C4orf17: variants seen among roughly 807,000 people sequenced by gnomAD.
C4orf17 encodes chromosome 4 open reading frame 17.
In C4orf17, 25 loss-of-function variants were observed where a neutral mutation model predicts 32.0. The ratio of observed to expected loss-of-function variants is 0.78; its 90% CI spans 0.57 to 1.09. The LOEUF is 1.09. Among genes scored for constraint, C4orf17 ranks in the 50% least tolerant of loss-of-function variants. The pLI is 0.00. For missense variants in C4orf17, 420 were observed against 420.0 expected (o/e 1.00, Z 0.00); for synonymous variants, 149 against 145.8 (o/e 1.02, Z -0.16).
rs1168223520 is a variant in C4orf17, at chr4:99,542,057, A to C, written c.1028A>C (p.Glu343Ala). The change falls in exon 9 of 9, where the codon GAA becomes GCA. Residue 343 changes from glutamate (E) to alanine (A), a missense_variant. Coordinates refer to ENST00000326581, the MANE Select transcript of C4orf17 (RefSeq NM_032149.3). ...AKPVSARSIQ[E>A]YNLCPQRACY... ...CCAGTGTCAGCAAGGAGTATACAAG[A>C]ATACAACCTCTGTCCCCAAAGAGCA... The C allele has an allele frequency of 6.2e-7, 1 of 1,614,150 alleles. No homozygotes were observed. The highest frequency in any genetic ancestry group is 8.5e-7 in the Non-Finnish European group (1 of 1,180,004).
rs1334504859 is a variant in C4orf17 at position 99,524,585 on chromosome 4, G to T, written c.402G>T (p.Lys134Asn). 2.5e-6 allele frequency: 4 copies of T among 1,579,790 alleles called. No homozygotes were observed. Among genetic ancestry groups the T allele is most frequent in the Non-Finnish European group, 3.5e-6 (4 of 1,152,988 alleles). Reference sequence around the variant, plus strand: ...GTGAGAATCCCTTAGTAATTAAAAAGGTAAGGAACAGCTATTTACTGCTAT... The same window carrying T: ...GTGAGAATCCCTTAGTAATTAAAAATGTAAGGAACAGCTATTTACTGCTAT... Reference protein sequence around the residue: ...TSSENPLVIKKEEIKAKRPPS... With the variant: ...TSSENPLVIKNEEIKAKRPPS... Residue 134 changes from lysine (K) to asparagine (N), a missense_variant and splice_region_variant, in exon 4 of 9, where the codon AAG becomes AAT. Lys to Asn is a moderately conservative substitution (Grantham distance 94). Coordinates refer to ENST00000326581, the MANE Select transcript of C4orf17 (RefSeq NM_032149.3).
chr4:99,532,981 G>GAGA (rs1204191608), intron 5 of C4orf17, among the ~76,000 whole-genome samples: 1 of 152,188 alleles, frequency 6.6e-6, no homozygotes. Flanking sequence ...ACTAAGGAGT[G>GAGA]AGAGCATTGC....
intron 5 of C4orf17, among the ~76,000 whole-genome samples, chr4:99,535,451 C>A (rs1424443221): frequency 6.6e-6 from 1 of 151,934 alleles, no homozygotes; most frequent in Non-Finnish European, 1.5e-5. Flanking sequence ...ATTCTTTTTT[C>A]TCTATTTTTG....
At position 99,525,383 on chromosome 4, in the gene C4orf17, C is replaced by T. The variant is rs1723370188; in HGVS notation, c.402+798C>T. Among the ~76,000 whole-genome samples, 2 of 152,112 alleles carry T rather than the reference C, an allele frequency of 1.3e-5. 1 individual carries two copies. Among genetic ancestry groups the T allele is most frequent in the Admixed American group, 1.3e-4 (2 of 15,270 alleles). ...CAGCCTACTGGGTATGTAGTAGTAT[C>T]TTATTGTGGTTTTAATTTGCATTTT... On this transcript the variant is annotated intron_variant, in intron 4 of 8. Coordinates refer to ENST00000326581, the MANE Select transcript of C4orf17 (RefSeq NM_032149.3).
rs1253600293 is a variant in C4orf17 at position 99,518,577 on chromosome 4, AGAGAGAGGGAGG to A, written c.128-3918_128-3907del. ...GAGAGAGAGAGAGAGAGAGAGAGAG[AGAGAGAGGGAGG>A]GAGACAGAGAGAGAGAGAGACTGTT... On this transcript the variant is annotated intron_variant, in intron 2 of 8. Coordinates refer to ENST00000326581, the MANE Select transcript of C4orf17 (RefSeq NM_032149.3). Among the ~76,000 whole-genome samples, 174 of 123,286 alleles carry A rather than the reference AGAGAGAGGGAGG, an allele frequency of 1.4e-3. 2 individuals carry two copies. Among genetic ancestry groups the A allele is most frequent in the East Asian group, 3.8e-3 (14 of 3,726 alleles). The allele number at this position is 123,286 out of a possible 152,430, so 80.9% of individuals were successfully genotyped here. A position where few individuals can be genotyped will look rare whatever the true frequency, so the allele number is the denominator to read the frequency against.
At chr4:99,530,557 C>A (rs1723462576) in intron 5 of C4orf17, among the ~76,000 whole-genome samples, 1 of 151,980 alleles carries the variant, frequency 6.6e-6, no homozygotes, top group Non-Finnish European at 1.5e-5. Context: ...TCTTTGGTAA[C>A]CTCCATATTG....
intron 5 of C4orf17, among the ~76,000 whole-genome samples, chr4:99,532,526 A>G (rs1380025561): frequency 6.6e-6 from 1 of 152,178 alleles, no homozygotes; most frequent in Non-Finnish European, 1.5e-5. Flanking sequence ...AGATGAGAAC[A>G]ATAGGCACTG....
intron 4 of C4orf17, among the ~76,000 whole-genome samples, chr4:99,529,336 T>A (rs1723439917): frequency 6.6e-6 from 1 of 152,204 alleles, no homozygotes; most frequent in African/African-American, 2.4e-5. Context: ...CCCTTCCAAC[T>A]GATAAAGGGA....
chr4:99,524,427 C>A, intron 3 of C4orf17, 94 bp from the exon 4 acceptor site: 3 of 623,192 alleles, frequency 4.8e-6, no homozygotes, highest in South Asian at 4.5e-5. Flanking sequence ...AAGTCAGAAA[C>A]ACTCTATCTA....
chr4:99,516,047 T>C (rs1723175193), intron 2 of C4orf17, among the ~76,000 whole-genome samples: 1 of 152,168 alleles, frequency 6.6e-6, no homozygotes, highest in Non-Finnish European at 1.5e-5. Flanking sequence ...AAATCACATA[T>C]CCTTTGCACC....
intron 6 of C4orf17, among the ~76,000 whole-genome samples, chr4:99,538,158 C>G (rs886155132): frequency 6.6e-6 from 1 of 152,208 alleles, no homozygotes; most frequent in African/African-American, 2.4e-5. Context: ...GCTATCCAAC[C>G]TGTAACAGCT....
At chr4:99,528,004 A>G in intron 4 of C4orf17, among the ~76,000 whole-genome samples, 1 of 152,272 alleles carries the variant, frequency 6.6e-6, no homozygotes, top group South Asian at 2.1e-4. Context: ...TTTTGTTACA[A>G]AACTGTTCAG....
chr4:99,521,112 G>A (rs1383541054), intron 2 of C4orf17, among the ~76,000 whole-genome samples: 1 of 152,090 alleles, frequency 6.6e-6, no homozygotes, highest in Non-Finnish European at 1.5e-5. Context: ...GGTGGCTCAC[G>A]CCTGTAATCC....
At chr4:99,522,998 T>C (rs758677556) in intron 3 of C4orf17, among the ~76,000 whole-genome samples, 21 of 152,180 alleles carry the variant, frequency 1.4e-4, no homozygotes, top group Non-Finnish European at 2.6e-4. Context: ...GAAATGAATG[T>C]TGTTCCAACA....
intron 7 of C4orf17, among the ~76,000 whole-genome samples, chr4:99,540,064 C>T (rs1265242295): frequency 1.3e-5 from 2 of 151,946 alleles, no homozygotes; most frequent in Non-Finnish European, 2.9e-5. Context: ...AGGAAAAATA[C>T]ATTTTTGAAA....
At chr4:99,518,544 T>TATATATATAGAGAGAG (rs1393245676) in intron 2 of C4orf17, among the ~76,000 whole-genome samples, 2 of 36,830 alleles carry the variant, frequency 5.4e-5, no homozygotes, top group African/African-American at 1.3e-4. Context: ...TATATATATA[T>TATATATATAGAGAGAG]AGAGAGAGAG....
chr4:99,521,978 CT>C (rs36120420), intron 2 of C4orf17, among the ~76,000 whole-genome samples: 1 of 152,218 alleles, frequency 6.6e-6, no homozygotes, highest in African/African-American at 2.4e-5. Flanking sequence ...CTTCCTCCTT[CT>C]TTCACAATCT....
In C4orf17 at chr4:99,541,928, C is replaced by T. The variant is rs201530498; in HGVS notation, c.899C>T (p.Pro300Leu). The change falls in exon 9 of 9, where the codon CCA (proline) becomes CTA (leucine). Residue 300 changes from proline (P) to leucine (L), a missense_variant. Transcript: ENST00000326581. ...EVPKEAEHKP[P>L]LLIRRNNMKI... The stretch of plus-strand genomic sequence containing the variant: ...ATTTCAGAGGCTGAGCACAAGCCTC[C>T]ACTACTTATAAGAAGAAATAATATG... 1.2e-6 allele frequency: 2 copies of T among 1,613,194 alleles called. No individual in the cohort carries two copies. Among genetic ancestry groups the T allele is most frequent in the Admixed American group, 1.7e-5 (1 of 59,900 alleles).
At chr4:99,539,031 T>A in intron 6 of C4orf17, 132 bp from the exon 7 acceptor site, 1 of 828,550 alleles carries the variant, frequency 1.2e-6, no homozygotes, top group Non-Finnish European at 2.0e-6. Flanking sequence ...AAGTCCTTAC[T>A]CCCACATAGG....
Sources: gnomAD v4.1 joint callset for allele counts (sites outside exome capture counted in the v4.1 genomes callset) on GRCh38, gnomAD v4.1.1 for gene constraint, MANE v1.5 for transcripts, NCBI Gene and HGNC (gene_info 2026-07-23, HGNC 2026-07-21) for gene names.